Variants in ARID1B observed in about 807,000 individuals in gnomAD.
ARID1B encodes the protein AT-rich interaction domain 1B.
Under a neutral mutation model 212.3 loss-of-function variants are expected in ARID1B, and 30 were observed. The ratio of observed to expected loss-of-function variants is 0.14; its 90% confidence interval spans 0.11 to 0.19. ARID1B has a LOEUF of 0.19. Ranked by LOEUF, ARID1B falls within the 10% of genes least tolerant of loss-of-function variation. The probability of loss-of-function intolerance (pLI) is 1.00; values close to 1 mark genes in which losing one functional copy is unlikely to be tolerated. For synonymous variants in ARID1B, 1,402 were observed against 1,301.7 expected, an observed-to-expected ratio of 1.08 and a Z score of -1.66; for missense variants, 2,891 against 3,204.0, an observed-to-expected ratio of 0.90 and a Z score of 2.36.
chr6:156,875,028 G>C (rs1786432569), intron 2 of ARID1B, among the ~76,000 whole-genome samples: 1 of 152,188 alleles, frequency 6.6e-6, no homozygotes, highest in African/African-American at 2.4e-5. Flanking sequence ...TTAACATATA[G>C]GATCTACTTT....
intron 15 of ARID1B, chr6:157,193,839 C>T (rs1793546367): frequency 6.6e-6 from 1 of 152,216 alleles, no homozygotes; most frequent in Admixed American, 6.5e-5. Flanking sequence ...AGGGGTTTCC[C>T]AGGCTGCGAA....
intron 13 of ARID1B, among the ~76,000 whole-genome samples, chr6:157,188,258 T>C (rs930438248): frequency 6.6e-6 from 1 of 151,990 alleles, no homozygotes; most frequent in Non-Finnish European, 1.5e-5. Flanking sequence ...CTTTGTGGCA[T>C]CTCTGAGAAC....
intron 4 of ARID1B, among the ~76,000 whole-genome samples, chr6:157,043,142 T>C (rs1781999946): frequency 6.6e-6 from 1 of 152,192 alleles, no homozygotes; most frequent in African/African-American, 2.4e-5. Flanking sequence ...TAGAGAAAAA[T>C]AACATCAGCG....
intron 2 of ARID1B, among the ~76,000 whole-genome samples, chr6:156,840,475 C>T (rs947908086): frequency 6.6e-6 from 1 of 152,244 alleles, no homozygotes; most frequent in African/African-American, 2.4e-5. Context: ...ATTTCACAAA[C>T]ATTTCCAAAC....
At chr6:156,876,027 G>A (rs922778967) in intron 2 of ARID1B, among the ~76,000 whole-genome samples, 17 of 152,100 alleles carry the variant, frequency 1.1e-4, no homozygotes, top group Non-Finnish European at 5.9e-5. Flanking sequence ...TATTTTTAAA[G>A]CATCTTTAAA....
chr6:157,184,212 C>G lies in ARID1B; in HGVS notation c.3715-19C>G, dbSNP rs1792790739. ...GCCACTTTGTTGCAAACCAATGATC[C>G]TGCCGTGTTTTTCACTAGGTTAATA... On this transcript the variant is annotated intron_variant, in intron 12 of 19. Coordinates refer to ENST00000636930, the MANE Select transcript of ARID1B (RefSeq NM_001374828.1). 1.3e-6 allele frequency: 2 copies of G among 1,589,750 alleles called. No homozygotes were observed. Among genetic ancestry groups the G allele is most frequent in the Admixed American group, 3.5e-5 (2 of 57,660 alleles).
chr6:156,946,834 A>G (rs1793190303), intron 4 of ARID1B, among the ~76,000 whole-genome samples: 1 of 151,904 alleles, frequency 6.6e-6, no homozygotes, highest in Non-Finnish European at 1.5e-5. Context: ...TTTTTATGAG[A>G]GTAAAGCAAG....
At position 157,023,566 on chromosome 6, in the gene ARID1B, A is replaced by C. The variant is rs779758755; in HGVS notation, c.2248-61096A>C. 4 of 152,210 alleles carry C rather than the reference A, an allele frequency of 2.6e-5. No individual in the cohort carries two copies. In the South Asian group the frequency reaches 8.3e-4, roughly 31 times the overall value. 9.4% of individuals were successfully genotyped at this position (152,210 alleles called of 1,614,324 possible). ...TCGTCGTGGCATATTCTACTGTTAC[A>C]CTTACCTGCCATTGCTCATAATGGG... On this transcript the variant is annotated intron_variant, in intron 4 of 19. Transcript: ENST00000636930.
At chr6:156,971,088 TTTATAA>T (rs1430173774) in intron 4 of ARID1B, among the ~76,000 whole-genome samples, 1 of 152,232 alleles carries the variant, frequency 6.6e-6, no homozygotes, top group African/African-American at 2.4e-5. Context: ...TGGAAAATTC[TTTATAA>T]TTAAGAGTAA....
chr6:157,085,728 A>T (rs191452454), intron 5 of ARID1B, among the ~76,000 whole-genome samples: 149 of 152,284 alleles, frequency 9.8e-4, no homozygotes, highest in South Asian at 2.1e-3. Flanking sequence ...GTATTGTGGA[A>T]TGTTTAGAAT....
intron 6 of ARID1B, among the ~76,000 whole-genome samples, chr6:157,121,629 C>CTTTTTTTTTT (rs1389687982): frequency 8.9e-6 from 1 of 112,928 alleles, no homozygotes; most frequent in Non-Finnish European, 1.7e-5. Context: ...TCATATATAG[C>CTTTTTTTTTT]TTTTTTTTTT....
intron 5 of ARID1B, among the ~76,000 whole-genome samples, chr6:157,093,041 C>A (rs1442721471): frequency 6.6e-6 from 1 of 152,204 alleles, no homozygotes; most frequent in Non-Finnish European, 1.5e-5. Flanking sequence ...CGTGTGCTGC[C>A]TCTGTGGAAA....
At chr6:157,161,988 G>A (rs1790976946) in intron 8 of ARID1B, among the ~76,000 whole-genome samples, 1 of 152,186 alleles carries the variant, frequency 6.6e-6, no homozygotes, top group South Asian at 2.1e-4. Context: ...GGATGTGCTG[G>A]AGCTTCCCCC....
intron 2 of ARID1B, among the ~76,000 whole-genome samples, chr6:156,843,549 A>G (rs748107392): frequency 1.5e-4 from 23 of 152,154 alleles, no homozygotes; most frequent in Non-Finnish European, 2.4e-4. Flanking sequence ...CCCTGGGGCT[A>G]TGGTAACACC....
intron 5 of ARID1B, among the ~76,000 whole-genome samples, chr6:157,109,419 TTA>T (rs1394512771): frequency 6.6e-6 from 1 of 152,026 alleles, no homozygotes; most frequent in Non-Finnish European, 1.5e-5. Context: ...GCAATGTTCT[TTA>T]TGTGTGTGTG....
At chr6:157,059,318 C>T (rs1042023245) in intron 4 of ARID1B, among the ~76,000 whole-genome samples, 2 of 152,096 alleles carry the variant, frequency 1.3e-5, no homozygotes, top group African/African-American at 4.8e-5. Context: ...TTACTCCATT[C>T]GCTAGAAAAT....
chr6:156,778,556 C>T lies in ARID1B; in HGVS notation c.876C>T (p.Gly292=), dbSNP rs1333423004. The T allele has an allele frequency of 8.1e-7, 1 of 1,234,614 alleles. No homozygotes were observed. The highest frequency in any genetic ancestry group is 1.6e-5 in the African/African-American group (1 of 63,386). The allele number at this position is 1,234,614 out of a possible 1,614,324, so 76.5% of individuals were successfully genotyped here. Residue 292 remains glycine (G), a synonymous_variant, in exon 1 of 20, where the codon GGC becomes GGT. Transcript: ENST00000636930. ...RYEHPGLGAL[G]TQQPPVAVPG... is the part of the protein sequence containing the mutation. ...AGCACCCGGGCTTGGGCGCCCTGGG[C>T]ACGCAGCAGCCGCCGGTCGCCGTGC... is the stretch of plus-strand genomic sequence containing the variant.
intron 3 of ARID1B, among the ~76,000 whole-genome samples, chr6:156,927,343 C>T (rs923234570): frequency 1.3e-5 from 2 of 152,146 alleles, no homozygotes; most frequent in Admixed American, 6.5e-5. Context: ...ATTCCCACAG[C>T]CTGGGATTTC....
chr6:156,999,905 A>G (rs1778812375), intron 4 of ARID1B, among the ~76,000 whole-genome samples: 1 of 152,242 alleles, frequency 6.6e-6, no homozygotes, highest in Non-Finnish European at 1.5e-5. Context: ...CTTGTGTTCT[A>G]GAAGAGAAAG....
Sources: gnomAD v4.1 joint callset for allele counts (sites outside exome capture counted in the v4.1 genomes callset) on GRCh38, gnomAD v4.1.1 for gene constraint, MANE v1.5 for transcripts, NCBI Gene and HGNC (gene_info 2026-07-23, HGNC 2026-07-21) for gene names.